The following MERTK variants were observed in gnomAD, a reference collection of about 807,000 sequenced individuals.
MERTK encodes MER proto-oncogene, tyrosine kinase, also known as tyrosine-protein kinase Mer.
MERTK carries 69 observed loss-of-function variants against 99.3 expected under a neutral mutation model. That is an observed-to-expected ratio of 0.70 (90% CI 0.57 to 0.85). The LOEUF (loss-of-function observed/expected upper bound fraction) is 0.85. MERTK is among the 40% of genes least tolerant of loss of function. MERTK has a pLI of 0.00. For missense variants in MERTK, 1,125 were observed against 1,249.4 expected, an observed-to-expected ratio of 0.90 and a Z score of 1.50; for synonymous variants, 426 against 467.6, an observed-to-expected ratio of 0.91 and a Z score of 1.15.
rs1676767442 is a variant in MERTK at position 111,997,316 on chromosome 2, T to C, written c.1451-7T>C. The C allele has an allele frequency of 6.2e-7, 1 of 1,614,038 alleles. No individual in the cohort carries two copies. Among genetic ancestry groups the C allele is most frequent in the Non-Finnish European group, 8.5e-7 (1 of 1,179,860 alleles). Reference sequence around the variant, plus strand: ...AACCCATGACTGGTCTATTGGTATCTCACCAGGTTGGGTAGATTATGCCCC... The same window carrying C: ...AACCCATGACTGGTCTATTGGTATCCCACCAGGTTGGGTAGATTATGCCCC... On this transcript the variant is annotated splice_region_variant and splice_polypyrimidine_tract_variant and intron_variant, in intron 9 of 18. Coordinates refer to ENST00000295408, the MANE Select transcript of MERTK (RefSeq NM_006343.3).
At chr2:111,988,755 C>T (rs766464161) in intron 8 of MERTK, among the ~76,000 whole-genome samples, 19 of 152,186 alleles carry the variant, frequency 1.2e-4, no homozygotes, top group Non-Finnish European at 2.2e-4. Context: ...ACGAGACCAG[C>T]CTAGCCAACA....
At chr2:111,953,787 C>A (rs1225468414) in intron 4 of MERTK, among the ~76,000 whole-genome samples, 3 of 152,212 alleles carry the variant, frequency 2.0e-5, no homozygotes, top group Non-Finnish European at 2.9e-5. Context: ...GTTGGCCAGG[C>A]TAGTCTTGAA....
intron 4 of MERTK, among the ~76,000 whole-genome samples, chr2:111,963,328 T>C (rs888200856): frequency 1.3e-5 from 2 of 152,234 alleles, no homozygotes; most frequent in Non-Finnish European, 2.9e-5. Flanking sequence ...TGCCTTCCTC[T>C]TGTCTCAACT....
chr2:111,990,479 C>T (rs181420503), intron 8 of MERTK, among the ~76,000 whole-genome samples: 138 of 152,190 alleles, frequency 9.1e-4, no homozygotes, highest in African/African-American at 3.1e-3. Flanking sequence ...CATCATCGAA[C>T]GGTGGGTGCA....
chr2:111,991,328 C>T (rs977833582), intron 8 of MERTK, among the ~76,000 whole-genome samples: 4 of 152,144 alleles, frequency 2.6e-5, no homozygotes, highest in Non-Finnish European at 5.9e-5. Context: ...TGGGTTAACG[C>T]TTTTCTCCTG....
At chr2:111,949,828 A>G (rs1388740783) in intron 4 of MERTK, among the ~76,000 whole-genome samples, 3 of 152,200 alleles carry the variant, frequency 2.0e-5, no homozygotes, top group Non-Finnish European at 4.4e-5. Context: ...CAAAAAATGG[A>G]ATATAAAGTA....
At chr2:111,903,853 A>G (rs1220806517) in intron 1 of MERTK, among the ~76,000 whole-genome samples, 1 of 152,180 alleles carries the variant, frequency 6.6e-6, no homozygotes, top group East Asian at 1.9e-4. Flanking sequence ...TGCTTAAAAT[A>G]TATTTGCCAT....
At chr2:112,028,327 A>T in intron 18 of MERTK, 24 bp from the exon 19 acceptor site, 1 of 1,612,642 alleles carries the variant, frequency 6.2e-7, no homozygotes, top group South Asian at 1.1e-5. Context: ...GCTGGGAGAC[A>T]ATCCACTTCT....
intron 17 of MERTK, among the ~76,000 whole-genome samples, chr2:112,021,828 TC>T (rs1677356881): frequency 6.6e-6 from 1 of 152,234 alleles, no homozygotes; most frequent in Admixed American, 6.5e-5. Flanking sequence ...TTCCCATTTT[TC>T]CTTGCCGTCA....
chr2:111,952,987 G>C (rs1236997932), intron 4 of MERTK, among the ~76,000 whole-genome samples: 4 of 152,128 alleles, frequency 2.6e-5, no homozygotes, highest in Non-Finnish European at 5.9e-5. Flanking sequence ...ATGAGACCAG[G>C]GGGGCTCTTG....
chr2:111,956,780 G>A (rs1179526826), intron 4 of MERTK, among the ~76,000 whole-genome samples: 1 of 151,256 alleles, frequency 6.6e-6, no homozygotes, highest in African/African-American at 2.4e-5. Context: ...CCCTACCTCA[G>A]CGCCCCAAGT....
At chr2:112,021,709 ATC>A (rs3841095) in intron 17 of MERTK, 128 bp downstream of exon 17, 7 of 780,976 alleles carry the variant, frequency 9.0e-6, no homozygotes, top group Non-Finnish European at 1.5e-5. Context: ...GCTTGCTCAG[ATC>A]TCTTTTATAT....
chr2:111,903,633 T>C (rs1490295422), intron 1 of MERTK, among the ~76,000 whole-genome samples: 2 of 152,262 alleles, frequency 1.3e-5, no homozygotes, highest in East Asian at 3.9e-4. Flanking sequence ...CAGCAGGAGA[T>C]TAATTATTAT....
intron 2 of MERTK, among the ~76,000 whole-genome samples, chr2:111,944,512 A>T: frequency 1.3e-5 from 2 of 152,302 alleles, no homozygotes; most frequent in Admixed American, 6.5e-5. Context: ...CCTTAAAATA[A>T]TTCCTCTGTT....
At chr2:111,959,452 C>T (rs766153196) in intron 4 of MERTK, among the ~76,000 whole-genome samples, 4 of 151,884 alleles carry the variant, frequency 2.6e-5, no homozygotes, top group African/African-American at 7.2e-5. Context: ...CAAGATCCTT[C>T]GTTTGTTTGT....
intron 2 of MERTK, among the ~76,000 whole-genome samples, chr2:111,936,881 A>G (rs1684773896): frequency 6.6e-6 from 1 of 152,146 alleles, no homozygotes; most frequent in Non-Finnish European, 1.5e-5. Flanking sequence ...TCTGATGTCT[A>G]GTATAGCAAG....
rs774731850 is a variant in MERTK, at chr2:111,965,171, TG to T, written c.758-19del. On this transcript the variant is annotated intron_variant, in intron 4 of 18. Transcript: ENST00000295408. ...GCCTGTTTCTCTGCTGCTGGTCTCATGAGTCTCCTTCCATTCCAGGCCTGAC... is the reference window on the plus strand; with the variant it reads ...GCCTGTTTCTCTGCTGCTGGTCTCATAGTCTCCTTCCATTCCAGGCCTGAC... 30 of 1,609,528 alleles carry T rather than the reference TG, an allele frequency of 1.9e-5. No homozygotes were observed. The South Asian group carries it at 3.2e-4, about 17-fold the overall frequency.
intron 12 of MERTK, 100 bp from the exon 13 acceptor site, chr2:112,003,804 C>T (rs1676921609): frequency 8.1e-6 from 9 of 1,112,588 alleles, no homozygotes; most frequent in Non-Finnish European, 1.2e-5. Flanking sequence ...GGGTGAGTTG[C>T]TCTCATACCA....
At chr2:111,976,369 G>A (rs1446934193) in intron 7 of MERTK, among the ~76,000 whole-genome samples, 1 of 152,192 alleles carries the variant, frequency 6.6e-6, no homozygotes, top group African/African-American at 2.4e-5. Flanking sequence ...GGGAAGATTA[G>A]AGTCCTGCAT....
Sources: allele counts gnomAD v4.1 joint callset (sites outside exome capture counted in the v4.1 genomes callset), GRCh38; gene constraint gnomAD v4.1.1; transcripts MANE v1.5; gene names NCBI Gene and HGNC (gene_info 2026-07-23, HGNC 2026-07-21).